CACNA1A: variants seen among roughly 807,000 people sequenced by gnomAD.
The protein encoded by CACNA1A is calcium voltage-gated channel subunit alpha1 A, also known as voltage-dependent P/Q-type calcium channel subunit alpha-1A.
In CACNA1A, 57 loss-of-function variants were observed where a neutral mutation model predicts 262.4. The observed-to-expected ratio is 0.22, with a 90% CI of 0.18 to 0.27. CACNA1A has a LOEUF of 0.27. Among genes scored for constraint, CACNA1A ranks in the 10% least tolerant of loss-of-function variants. CACNA1A has a pLI of 1.00. For missense variants in CACNA1A, 2,526 were observed against 3,562.8 expected (o/e 0.71, Z 7.41); for synonymous variants, 1,431 against 1,419.3 (o/e 1.01, Z -0.18).
At chr19:13,399,161 GAGCCAT>G (rs2059857355) in intron 3 of CACNA1A, among the ~76,000 whole-genome samples, 1 of 152,110 alleles carries the variant, frequency 6.6e-6, no homozygotes, top group South Asian at 2.1e-4. Flanking sequence ...TGTGGGGAAT[GAGCCAT>G]AGTTTAATTC....
At chr19:13,335,471 G>C (rs1462584794) in intron 7 of CACNA1A, among the ~76,000 whole-genome samples, 4 of 152,110 alleles carry the variant, frequency 2.6e-5, no homozygotes, top group Non-Finnish European at 5.9e-5. Flanking sequence ...AAAAATCTTG[G>C]GGATAGAGGA....
rs749128884 is a variant in CACNA1A at position 13,299,191 on chromosome 19, G to A, written c.2442C>T (p.Asp814=). The A allele has an allele frequency of 6.2e-7, 1 of 1,612,686 alleles. No individual in the cohort carries two copies. Among genetic ancestry groups the A allele is most frequent in the Non-Finnish European group, 8.5e-7 (1 of 1,179,886 alleles). The change falls in exon 19 of 47, where the codon GAC becomes GAT. Residue 814 remains aspartate (D), a synonymous_variant. Transcript: ENST00000360228. ...GCGGCCGGTCCAAGTGCGTCTTCAT[G>A]TCTGGCCGCAGGTGCCGCGTGTAGG... ...KAAYTRHLRP[D]MKTHLDRPLV...
At chr19:13,259,812 G>A (rs74183008) in intron 26 of CACNA1A, 111 bp from the exon 27 acceptor site, 1 of 1,189,758 alleles carries the variant, frequency 8.4e-7, no homozygotes, top group Non-Finnish European at 1.2e-6. Flanking sequence ...CACCAGCCTA[G>A]ACTGCTTGGG....
Position 13,214,803 on chromosome 19 carries a change from T to G in CACNA1A, c.5732-195A>C, listed in dbSNP as rs1429108284. 1.7e-6 allele frequency: 1 copy of G among 596,094 alleles called. No individual in the cohort carries two copies. Among genetic ancestry groups the G allele is most frequent in the Non-Finnish European group, 3.0e-6 (1 of 335,146 alleles). 36.9% of individuals were successfully genotyped at this position (596,094 alleles called of 1,614,324 possible). On this transcript the variant is annotated intron_variant, in intron 38 of 46. Transcript: ENST00000360228. This position sits in a 1 kb window ranked among gnomAD's most constrained non-coding sequence, Gnocchi z 4.1. ...TGGAATGACCTTGTGGGCTCTGGTTTTCGGTGGGGCCAGGACCATGGAGCA... is the reference window on the plus strand; with the variant it reads ...TGGAATGACCTTGTGGGCTCTGGTTGTCGGTGGGGCCAGGACCATGGAGCA...
chr19:13,283,409 G>T lies in CACNA1A; in HGVS notation c.3693-13C>A, dbSNP rs1413987697. The T allele has an allele frequency of 1.2e-6, 2 of 1,613,814 alleles. No homozygotes were observed. Among genetic ancestry groups the T allele is most frequent in the Non-Finnish European group, 8.5e-7 (1 of 1,179,768 alleles). Reference sequence around the variant, plus strand: ...CAGGCGGCGAAGGCTGTTGGAGACAGATGGGCGTGCAGAGGTCCACTCAGA... The same window carrying T: ...CAGGCGGCGAAGGCTGTTGGAGACATATGGGCGTGCAGAGGTCCACTCAGA... On this transcript the variant is annotated splice_polypyrimidine_tract_variant and intron_variant, in intron 21 of 46. Transcript: ENST00000360228.
intron 36 of CACNA1A, 100 bp from the exon 37 acceptor site, chr19:13,227,627 G>T: frequency 2.2e-6 from 1 of 462,460 alleles, no homozygotes; most frequent in Non-Finnish European, 3.7e-6. Context: ...AGAAACAGAA[G>T]AAAGAAAAAA....
intron 3 of CACNA1A, among the ~76,000 whole-genome samples, chr19:13,417,603 T>C (rs1419684378): frequency 6.6e-6 from 1 of 152,078 alleles, no homozygotes; most frequent in East Asian, 1.9e-4. Context: ...AAGAGAACCA[T>C]AGTTGCCCAG....
intron 3 of CACNA1A, among the ~76,000 whole-genome samples, chr19:13,413,349 G>A (rs1296862810): frequency 4.1e-4 from 62 of 150,666 alleles, no homozygotes; most frequent in Middle Eastern, 3.4e-3. Flanking sequence ...CTCGTGATCC[G>A]CCCGCCTTGG....
intron 3 of CACNA1A, among the ~76,000 whole-genome samples, chr19:13,426,368 A>G (rs1319262768): frequency 1.3e-5 from 2 of 152,120 alleles, no homozygotes; most frequent in Non-Finnish European, 2.9e-5. Context: ...TCCATGGGAC[A>G]TTTCGTTTGG....
At chr19:13,457,024 AG>A (rs1568663997) in intron 1 of CACNA1A, among the ~76,000 whole-genome samples, 1 of 151,720 alleles carries the variant, frequency 6.6e-6, no homozygotes, top group East Asian at 1.9e-4. Flanking sequence ...CCGAGGTAGG[AG>A]GATTACTTGA....
At chr19:13,346,851 T>A (rs1318350246) in intron 6 of CACNA1A, among the ~76,000 whole-genome samples, 2 of 149,090 alleles carry the variant, frequency 1.3e-5, no homozygotes, top group African/African-American at 4.9e-5. Context: ...AGCTAATTTT[T>A]TGTATTTTAG....
intron 38 of CACNA1A, among the ~76,000 whole-genome samples, chr19:13,216,668 T>TATC (rs2144551442): frequency 1.7e-4 from 1 of 5,806 alleles, no homozygotes; most frequent in South Asian, 0.012. Flanking sequence ...TCTATCTATC[T>TATC]ATCTATCTAT....
chr19:13,228,355 G>A (rs921432487), intron 36 of CACNA1A, among the ~76,000 whole-genome samples: 1 of 151,804 alleles, frequency 6.6e-6, no homozygotes, highest in African/African-American at 2.4e-5. Context: ...GGGAGAGAGT[G>A]GAGGTGATGG....
intron 31 of CACNA1A, 135 bp from the exon 32 acceptor site, chr19:13,235,865 A>G: frequency 1.6e-6 from 1 of 620,278 alleles, no homozygotes; most frequent in South Asian, 2.0e-5. Flanking sequence ...GGAGGGAGAG[A>G]GAAAGCACTA....
At chr19:13,398,516 A>G (rs1041593476) in intron 3 of CACNA1A, among the ~76,000 whole-genome samples, 5 of 152,168 alleles carry the variant, frequency 3.3e-5, no homozygotes, top group African/African-American at 1.2e-4. Context: ...AGCAGGTGGA[A>G]GGGTTCAATA....
At chr19:13,240,563 T>C (rs1355152574) in intron 31 of CACNA1A, among the ~76,000 whole-genome samples, 1 of 147,524 alleles carries the variant, frequency 6.8e-6, no homozygotes, top group Non-Finnish European at 1.5e-5. Flanking sequence ...GTGTGCATAG[T>C]GACTGTGTGT....
At chr19:13,413,087 CA>C (rs938978425) in intron 3 of CACNA1A, among the ~76,000 whole-genome samples, 23 of 147,006 alleles carry the variant, frequency 1.6e-4, no homozygotes, top group African/African-American at 5.3e-4. Flanking sequence ...TCCATCTCTA[CA>C]AAAAGTTTTT....
At chr19:13,388,245 CTTTTTTTTTTTTTTTTTT>C (rs1161893626) in intron 3 of CACNA1A, among the ~76,000 whole-genome samples, 2 of 85,682 alleles carry the variant, frequency 2.3e-5, no homozygotes, top group African/African-American at 1.0e-4. Flanking sequence ...TCTTCCTCTT[CTTTTTTTTTTTTTTTTTT>C]TTTTTTTTTT....
intron 30 of CACNA1A, among the ~76,000 whole-genome samples, chr19:13,248,383 C>T (rs80158631): frequency 0.022 from 2,770 of 123,178 alleles, 92 homozygotes; most frequent in African/African-American, 0.078. Flanking sequence ...CAAGAACAGG[C>T]TGGGCAACAG....
Sources: gnomAD v4.1 joint callset for allele counts (sites outside exome capture counted in the v4.1 genomes callset) on GRCh38, gnomAD v4.1.1 for gene constraint, Gnocchi (gnomAD v3.1) non-coding constraint, MANE v1.5 for transcripts, NCBI Gene and HGNC (gene_info 2026-07-23, HGNC 2026-07-21) for gene names.